The following PDZRN4 variants were observed in gnomAD, a reference collection of about 807,000 sequenced individuals.
PDZRN4 encodes PDZ domain containing ring finger 4, also known as PDZ domain-containing RING finger protein 4.
A neutral mutation model predicts 99.0 loss-of-function variants in PDZRN4; 70 were observed. The ratio of observed to expected loss-of-function variants is 0.71; its 90% CI spans 0.58 to 0.86. The LOEUF is 0.86. Ranked by LOEUF, PDZRN4 falls within the 40% of genes least tolerant of loss-of-function variation. The probability of loss-of-function intolerance (pLI) is 0.00; values close to 1 mark genes in which losing one functional copy is unlikely to be tolerated. For synonymous variants in PDZRN4, 551 were observed against 501.6 expected, an observed-to-expected ratio of 1.10 and a Z score of -1.32; for missense variants, 1,474 against 1,331.2, an observed-to-expected ratio of 1.11 and a Z score of -1.67.
chr12:41,527,346 A>C (rs1246235449), intron 5 of PDZRN4, among the ~76,000 whole-genome samples: 2 of 152,202 alleles, frequency 1.3e-5, no homozygotes, highest in African/African-American at 2.4e-5. Flanking sequence ...TCATAATGAG[A>C]AACTTGGACT....
chr12:41,479,897 CTATTA>C (rs1474764952), intron 3 of PDZRN4, among the ~76,000 whole-genome samples: 7 of 152,074 alleles, frequency 4.6e-5, no homozygotes, highest in African/African-American at 1.4e-4. Flanking sequence ...CTCTGAATAG[CTATTA>C]TATTAAATGT....
chr12:41,378,520 ATTT>A (rs71081733), intron 3 of PDZRN4, among the ~76,000 whole-genome samples: 5 of 102,858 alleles, frequency 4.9e-5, no homozygotes, highest in South Asian at 3.1e-4. Flanking sequence ...TCTGTCTTCA[ATTT>A]TTTTTTTTTT....
intron 3 of PDZRN4, among the ~76,000 whole-genome samples, chr12:41,454,489 A>G (rs1952802094): frequency 6.6e-6 from 1 of 152,246 alleles, no homozygotes; most frequent in East Asian, 1.9e-4. Flanking sequence ...AATAAATAAT[A>G]TGAGACTAGT....
At chr12:41,329,420 G>A (rs890070813) in intron 3 of PDZRN4, among the ~76,000 whole-genome samples, 1 of 152,114 alleles carries the variant, frequency 6.6e-6, no homozygotes, top group African/African-American at 2.4e-5. Flanking sequence ...GTTCATCAAA[G>A]AGTAAATATT....
chr12:41,565,855 T>C (rs7313159), intron 8 of PDZRN4, among the ~76,000 whole-genome samples: 20,893 of 152,164 alleles, frequency 0.14, 1,570 homozygotes, highest in South Asian at 0.28. Flanking sequence ...AGGTTGTTCC[T>C]TTTTCTGAGA....
Position 41,574,503 on chromosome 12 carries a change from G to C in PDZRN4, c.*613G>C, listed in dbSNP as rs1178460784. ...TAGGTGGACAATCTTCCTGTGATAT[G>C]TAGTGACATTGGTCATGTAGCTAGA... is the stretch of plus-strand genomic sequence containing the variant. On this transcript the variant is annotated 3_prime_UTR_variant, in exon 10 of 10. Transcript: ENST00000402685. The C allele has an allele frequency of 3.3e-5, 5 of 152,640 alleles. No homozygotes were observed. The highest frequency in any genetic ancestry group is 5.9e-5 in the Non-Finnish European group (4 of 68,040). 9.5% of individuals were successfully genotyped at this position (152,640 alleles called of 1,614,324 possible).
At chr12:41,428,903 C>A (rs1006192898) in intron 3 of PDZRN4, among the ~76,000 whole-genome samples, 2 of 152,102 alleles carry the variant, frequency 1.3e-5, no homozygotes, top group Non-Finnish European at 2.9e-5. Flanking sequence ...ATTGACAGGG[C>A]CTTGTCACTA....
chr12:41,461,814 G>A (rs1291415823), intron 3 of PDZRN4, among the ~76,000 whole-genome samples: 2 of 151,906 alleles, frequency 1.3e-5, no homozygotes, highest in African/African-American at 4.8e-5. Flanking sequence ...CTCTCTTATT[G>A]AACTTTCAGC....
intron 3 of PDZRN4, among the ~76,000 whole-genome samples, chr12:41,233,903 A>G (rs982342114): frequency 6.6e-6 from 1 of 152,012 alleles, no homozygotes; most frequent in African/African-American, 2.4e-5. Flanking sequence ...ACAAGCCTGC[A>G]TGTTGTGCAC....
chr12:41,275,408 T>C (rs530578367), intron 3 of PDZRN4, among the ~76,000 whole-genome samples: 38 of 152,280 alleles, frequency 2.5e-4, no homozygotes, highest in African/African-American at 8.7e-4. Context: ...ATAGTTTTCA[T>C]TGCCAAAAAT....
At chr12:41,475,097 C>G (rs912774652) in intron 3 of PDZRN4, among the ~76,000 whole-genome samples, 10 of 152,136 alleles carry the variant, frequency 6.6e-5, no homozygotes, top group African/African-American at 2.2e-4. Flanking sequence ...GTTTCTGTTT[C>G]TCCTACCTAG....
chr12:41,230,421 C>T (rs573579963), intron 3 of PDZRN4, among the ~76,000 whole-genome samples: 1 of 152,080 alleles, frequency 6.6e-6, no homozygotes, highest in South Asian at 2.1e-4. Context: ...CTAGTAACTG[C>T]GTCTTCTGTT....
chr12:41,353,524 C>T lies in PDZRN4; in HGVS notation c.844-152932C>T, dbSNP rs1262973875. 2.6e-5 allele frequency among the ~76,000 whole-genome samples: 4 copies of T among 152,036 alleles called. No homozygotes were observed. In the South Asian group the frequency reaches 8.3e-4, roughly 32 times the overall value. On this transcript the variant is annotated intron_variant, in intron 3 of 9. Transcript: ENST00000402685. ...CTTGTCTGGGAACTTGGAATCACAA[C>T]CTAGTTGTAATGAGACATGAATTTG...
intron 3 of PDZRN4, among the ~76,000 whole-genome samples, chr12:41,408,223 A>C (rs1289352700): frequency 6.6e-6 from 1 of 152,256 alleles, no homozygotes; most frequent in Non-Finnish European, 1.5e-5. Context: ...TCTATAAAGA[A>C]AGGAATATTT....
intron 3 of PDZRN4, among the ~76,000 whole-genome samples, chr12:41,442,429 A>T (rs1365769610): frequency 6.6e-6 from 1 of 152,096 alleles, no homozygotes. Context: ...CTGGTATTAT[A>T]GTCAATTCTG....
intron 3 of PDZRN4, among the ~76,000 whole-genome samples, chr12:41,306,521 G>T (rs1951570539): frequency 6.6e-6 from 1 of 152,196 alleles, no homozygotes; most frequent in Non-Finnish European, 1.5e-5. Flanking sequence ...TGGGGTGGGT[G>T]ATTCGGTCCA....
At chr12:41,298,366 T>A (rs2120925058) in intron 3 of PDZRN4, among the ~76,000 whole-genome samples, 1 of 152,320 alleles carries the variant, frequency 6.6e-6, no homozygotes, top group Admixed American at 6.5e-5. Context: ...GAATGTGCTA[T>A]TCTGGTTGAA....
chr12:41,348,297 C>G (rs1278857366), intron 3 of PDZRN4, among the ~76,000 whole-genome samples: 2 of 151,938 alleles, frequency 1.3e-5, no homozygotes, highest in Non-Finnish European at 2.9e-5. Context: ...TCTGGGGGCC[C>G]CTGGGACTCT....
chr12:41,369,828 G>C (rs564168213), intron 3 of PDZRN4, among the ~76,000 whole-genome samples: 2 of 151,630 alleles, frequency 1.3e-5, no homozygotes, highest in Non-Finnish European at 2.9e-5. Context: ...TATTTGCCCT[G>C]TTCTAGCTTC....
Sources: allele counts gnomAD v4.1 joint callset (sites outside exome capture counted in the v4.1 genomes callset), GRCh38; gene constraint gnomAD v4.1.1; transcripts MANE v1.5; gene names NCBI Gene and HGNC (gene_info 2026-07-23, HGNC 2026-07-21).